The following DIAPH3 variants were observed in gnomAD, a reference collection of about 807,000 sequenced individuals.
The protein encoded by DIAPH3 is protein diaphanous homolog 3.
DIAPH3 carries 117 observed loss-of-function variants against 144.3 expected under a neutral mutation model. The observed-to-expected ratio is 0.81, with a 90% CI of 0.70 to 0.95. DIAPH3 has a LOEUF of 0.95. Among genes scored for constraint, DIAPH3 ranks in the 40% least tolerant of loss-of-function variants. The pLI, the probability that DIAPH3 is intolerant of heterozygous loss-of-function variation, is 0.00. For synonymous variants in DIAPH3, 519 were observed against 488.9 expected (o/e 1.06, Z -0.81); for missense variants, 1,421 against 1,412.7 (o/e 1.01, Z -0.09).
intron 22 of DIAPH3, among the ~76,000 whole-genome samples, chr13:59,847,569 T>C (rs1202602503): frequency 1.3e-5 from 2 of 152,178 alleles, no homozygotes; most frequent in Non-Finnish European, 2.9e-5. Flanking sequence ...TTAGATAAGA[T>C]GTTCAAAACC....
At chr13:59,796,286 A>G (rs1412105357) in intron 25 of DIAPH3, among the ~76,000 whole-genome samples, 1 of 152,202 alleles carries the variant, frequency 6.6e-6, no homozygotes, top group African/African-American at 2.4e-5. Context: ...ACGGGAGGCC[A>G]CTCTACCTTT....
intron 27 of DIAPH3, among the ~76,000 whole-genome samples, chr13:59,734,247 A>G (rs534027379): frequency 6.6e-6 from 1 of 152,304 alleles, no homozygotes; most frequent in African/African-American, 2.4e-5. Context: ...GGAATGATAC[A>G]TAATACGTGA....
At chr13:59,749,904 C>A (rs1038216589) in intron 27 of DIAPH3, among the ~76,000 whole-genome samples, 13 of 152,138 alleles carry the variant, frequency 8.5e-5, no homozygotes, top group Non-Finnish European at 1.8e-4. Flanking sequence ...CAGGGCCCTT[C>A]ATGATACTCT....
At chr13:59,986,973 G>T (rs1330736623) in intron 12 of DIAPH3, among the ~76,000 whole-genome samples, 1 of 151,472 alleles carries the variant, frequency 6.6e-6, no homozygotes, top group Non-Finnish European at 1.5e-5. Flanking sequence ...TCCCATTACT[G>T]GGTATATACC....
At chr13:59,736,631 C>A (rs919644005) in intron 27 of DIAPH3, among the ~76,000 whole-genome samples, 2 of 152,114 alleles carry the variant, frequency 1.3e-5, no homozygotes, top group Non-Finnish European at 2.9e-5. Flanking sequence ...CTACCATTGA[C>A]ATTCTTCACA....
At chr13:59,805,793 T>C (rs1022306231) in intron 25 of DIAPH3, among the ~76,000 whole-genome samples, 2 of 152,008 alleles carry the variant, frequency 1.3e-5, no homozygotes, top group African/African-American at 4.8e-5. Flanking sequence ...TTTTAATGCT[T>C]CATTTTTCTT....
At chr13:59,817,191 A>T (rs2040823903) in intron 24 of DIAPH3, among the ~76,000 whole-genome samples, 1 of 151,814 alleles carries the variant, frequency 6.6e-6, no homozygotes, top group South Asian at 2.1e-4. Context: ...TTAATTATCG[A>T]GTTTGAATTC....
At chr13:60,119,146 G>C (rs1182893897) in intron 2 of DIAPH3, among the ~76,000 whole-genome samples, 1 of 152,144 alleles carries the variant, frequency 6.6e-6, no homozygotes, top group African/African-American at 2.4e-5. Context: ...TTCAAGACTA[G>C]ATCATAAAAG....
intron 27 of DIAPH3, among the ~76,000 whole-genome samples, chr13:59,773,806 G>A (rs2038244859): frequency 1.2e-5 from 1 of 86,744 alleles, no homozygotes; most frequent in African/African-American, 3.7e-5. Context: ...ACTGGCAAAT[G>A]TGGGAGATTA....
At chr13:59,983,947 CA>C (rs2051201558) in intron 12 of DIAPH3, 60 bp from the exon 13 acceptor site, 3 of 1,142,900 alleles carry the variant, frequency 2.6e-6, no homozygotes, top group Non-Finnish European at 3.9e-6. Flanking sequence ...TACATCAAAA[CA>C]AAACTTTTTG....
intron 20 of DIAPH3, among the ~76,000 whole-genome samples, chr13:59,882,280 G>C (rs1050494464): frequency 2.6e-5 from 4 of 152,064 alleles, no homozygotes; most frequent in Admixed American, 2.6e-4. Flanking sequence ...AGTAGAGACA[G>C]TGTTTCACCA....
At chr13:59,670,033 T>C (rs1056224219) in intron 27 of DIAPH3, among the ~76,000 whole-genome samples, 2 of 152,218 alleles carry the variant, frequency 1.3e-5, no homozygotes, top group African/African-American at 4.8e-5. Flanking sequence ...GGTTTTTCTT[T>C]TAGCGTTTGG....
At chr13:60,047,843 G>A (rs1178093440) in intron 4 of DIAPH3, among the ~76,000 whole-genome samples, 3 of 152,170 alleles carry the variant, frequency 2.0e-5, no homozygotes, top group Non-Finnish European at 4.4e-5. Context: ...CAAACCAGGA[G>A]AAAATATTTG....
At position 59,666,695 on chromosome 13, in the gene DIAPH3, C is replaced by G; in HGVS notation, c.3471G>C (p.Ala1157=). 6.2e-7 allele frequency: 1 copy of G among 1,614,052 alleles called. No homozygotes were observed. Among genetic ancestry groups the G allele is most frequent in the Non-Finnish European group, 8.5e-7 (1 of 1,179,988 alleles). The change falls in exon 28 of 28, where the codon GCG becomes GCC. Residue 1157 remains alanine (A), a synonymous_variant. Transcript: ENST00000400324. The part of the protein sequence containing the change: ...GRIKAAEKKE[A]CNVESNRKKE... ...TTTTTCTGTTGCTTTCTACATTACA[C>G]GCTTCCTTCTTCTCAGCTGCCTTGA...
At chr13:59,768,047 A>G (rs1001929862) in intron 27 of DIAPH3, among the ~76,000 whole-genome samples, 1 of 152,180 alleles carries the variant, frequency 6.6e-6, no homozygotes, top group African/African-American at 2.4e-5. Flanking sequence ...GCTTGACTAC[A>G]TGGTAAATAT....
At chr13:60,045,565 A>T (rs899821386) in intron 4 of DIAPH3, among the ~76,000 whole-genome samples, 9 of 152,280 alleles carry the variant, frequency 5.9e-5, no homozygotes, top group South Asian at 2.1e-4. Context: ...CTATTGCATT[A>T]CTTACTTAAT....
At chr13:59,729,993 A>C (rs1320360479) in intron 27 of DIAPH3, among the ~76,000 whole-genome samples, 1 of 151,930 alleles carries the variant, frequency 6.6e-6, no homozygotes, top group Non-Finnish European at 1.5e-5. Flanking sequence ...CACAGAATTA[A>C]GTATAGGTCT....
At chr13:60,099,736 A>T (rs1475228721) in intron 3 of DIAPH3, among the ~76,000 whole-genome samples, 2 of 152,198 alleles carry the variant, frequency 1.3e-5, no homozygotes. Context: ...TTCTAATTAA[A>T]ATCTATATCT....
intron 20 of DIAPH3, among the ~76,000 whole-genome samples, chr13:59,898,984 G>C (rs963449966): frequency 6.6e-6 from 1 of 152,186 alleles, no homozygotes; most frequent in Admixed American, 6.5e-5. Context: ...GAACATGGAA[G>C]GACTAGACTG....
Sources: gnomAD v4.1 joint callset for allele counts (sites outside exome capture counted in the v4.1 genomes callset) on GRCh38, gnomAD v4.1.1 for gene constraint, MANE v1.5 for transcripts, NCBI Gene and HGNC (gene_info 2026-07-23, HGNC 2026-07-21) for gene names.